HDAC9: variants seen among roughly 807,000 people sequenced by gnomAD.
The protein encoded by HDAC9 is MEF-2 interacting transcription repressor (MITR) protein.
Under a neutral mutation model 139.4 loss-of-function variants are expected in HDAC9, and 41 were observed. That is an observed-to-expected ratio of 0.29 (90% confidence interval 0.23 to 0.38). HDAC9 has a LOEUF of 0.38. HDAC9 is among the 10% of genes least tolerant of loss of function. The pLI, the probability that HDAC9 is intolerant of heterozygous loss-of-function variation, is 1.00. For missense variants in HDAC9, 1,147 were observed against 1,297.0 expected (o/e 0.88, Z 1.78); for synonymous variants, 517 against 476.2 (o/e 1.09, Z -1.12).
rs543495959 is a variant in HDAC9 at position 18,709,683 on chromosome 7, C to T, written c.1732-17897C>T. Reference sequence around the variant, plus strand: ...CTGTGAATAAACCAGACACATTCTTCTCCCTTACAGGTTTAGAATCAAATG... The same window carrying T: ...CTGTGAATAAACCAGACACATTCTTTTCCCTTACAGGTTTAGAATCAAATG... On this transcript the variant is annotated intron_variant, in intron 12 of 25. Transcript: ENST00000686413. Among the ~76,000 whole-genome samples, 3 of 152,308 alleles carry T rather than the reference C, an allele frequency of 2.0e-5. No individual in the cohort carries two copies. The South Asian group carries it at 6.2e-4, about 32-fold the overall frequency.
At chr7:18,979,506 A>G (rs1784759822) in intron 25 of HDAC9, among the ~76,000 whole-genome samples, 1 of 152,212 alleles carries the variant, frequency 6.6e-6, no homozygotes. Flanking sequence ...TGTTTAGGTA[A>G]CTAAGAACTT....
chr7:18,817,885 TAGATTAAATATCCTC>T (rs1232283422), intron 17 of HDAC9, among the ~76,000 whole-genome samples: 1 of 152,182 alleles, frequency 6.6e-6, no homozygotes, highest in African/African-American at 2.4e-5. Context: ...AGTAGCAAGG[TAGATTAAATATCCTC>T]AGTCATTCTT....
At chr7:18,673,430 T>G (rs1795777800) in intron 12 of HDAC9, among the ~76,000 whole-genome samples, 2 of 152,070 alleles carry the variant, frequency 1.3e-5, no homozygotes, top group Non-Finnish European at 2.9e-5. Flanking sequence ...TGGCAAGAAT[T>G]GAGGTACAGC....
chr7:18,092,438 A>G (rs1782229117), intron 1 of HDAC9, among the ~76,000 whole-genome samples: 1 of 150,712 alleles, frequency 6.6e-6, no homozygotes, highest in Admixed American at 6.6e-5. Flanking sequence ...TGGTAAAGTC[A>G]GCAGACCTGA....
chr7:18,902,680 C>T (rs1052039615), intron 22 of HDAC9, among the ~76,000 whole-genome samples: 1 of 152,124 alleles, frequency 6.6e-6, no homozygotes, highest in Non-Finnish European at 1.5e-5. Context: ...ATATGCTTAC[C>T]TCAGGATATC....
At chr7:18,797,546 G>A (rs1792907300) in intron 17 of HDAC9, among the ~76,000 whole-genome samples, 1 of 151,890 alleles carries the variant, frequency 6.6e-6, no homozygotes, top group Non-Finnish European at 1.5e-5. Context: ...TTTAAATTAT[G>A]GCCCTGCGCA....
intron 23 of HDAC9, among the ~76,000 whole-genome samples, chr7:18,943,203 G>A (rs1375529993): frequency 6.6e-6 from 1 of 151,994 alleles, no homozygotes; most frequent in African/African-American, 2.4e-5. Context: ...ATACAGCCCT[G>A]AACGAACTTC....
At chr7:18,259,838 G>T (rs942099984) in intron 2 of HDAC9, among the ~76,000 whole-genome samples, 3 of 152,242 alleles carry the variant, frequency 2.0e-5, no homozygotes, top group East Asian at 3.9e-4. Context: ...AATATATTTA[G>T]AATTTTAAAA....
chr7:18,497,382 A>G (rs1280384614), intron 2 of HDAC9, among the ~76,000 whole-genome samples: 1 of 152,134 alleles, frequency 6.6e-6, no homozygotes, highest in South Asian at 2.1e-4. Flanking sequence ...GGTTGGCATG[A>G]TGTCTGTTTT....
At chr7:18,644,054 A>G (rs571027196) in intron 8 of HDAC9, among the ~76,000 whole-genome samples, 5 of 152,228 alleles carry the variant, frequency 3.3e-5, no homozygotes, top group African/African-American at 4.8e-5. Context: ...GGGTATTTCA[A>G]TGTAAATGAA....
chr7:18,253,687 G>C (rs1206255284), intron 2 of HDAC9, among the ~76,000 whole-genome samples: 1 of 152,140 alleles, frequency 6.6e-6, no homozygotes, highest in Non-Finnish European at 1.5e-5. Context: ...TCGTGGTAAG[G>C]GGACAGGTGT....
intron 2 of HDAC9, among the ~76,000 whole-genome samples, chr7:18,529,153 T>C (rs1373062279): frequency 6.6e-6 from 1 of 151,696 alleles, no homozygotes; most frequent in East Asian, 1.9e-4. Flanking sequence ...AGAAGAAAAT[T>C]AAAAATAGGA....
rs544584356 is a variant in HDAC9 at position 18,740,705 on chromosome 7, T to A, written c.1910-8300T>A. 1.5e-3 allele frequency among the ~76,000 whole-genome samples: 235 copies of A among 152,256 alleles called. 2 individuals are homozygous for A. Among genetic ancestry groups the A allele is most frequent in the Middle Eastern group, 0.01 (3 of 294 alleles). ...CCCAATTTCAATCAAAAGCTAGAAA[T>A]GATTAAGCTTAGTGAGGAAGTCATG... On this transcript the variant is annotated intron_variant, in intron 13 of 25. Transcript: ENST00000686413.
intron 2 of HDAC9, among the ~76,000 whole-genome samples, chr7:18,497,448 A>G (rs1563054730): frequency 6.6e-6 from 1 of 152,050 alleles, no homozygotes; most frequent in Admixed American, 6.6e-5. Context: ...TTTTCTTTAA[A>G]CCTTGGTTAG....
chr7:18,841,619 G>A (rs1796590090), intron 21 of HDAC9, among the ~76,000 whole-genome samples: 1 of 152,088 alleles, frequency 6.6e-6, no homozygotes, highest in Non-Finnish European at 1.5e-5. Flanking sequence ...TACTTTGTTG[G>A]TCCCAAACCA....
chr7:18,392,430 TAGATAGATAGAC>T (rs909198928), intron 1 of HDAC9, among the ~76,000 whole-genome samples: 7 of 151,522 alleles, frequency 4.6e-5, no homozygotes, highest in Non-Finnish European at 1.0e-4. Context: ...GATAGATAGA[TAGATAGATAGAC>T]AGATATTCTT....
chr7:18,151,681 A>G (rs1265553218), intron 1 of HDAC9: 1 of 152,164 alleles, frequency 6.6e-6, no homozygotes, highest in Admixed American at 6.5e-5. Context: ...AACTGATGGC[A>G]TATTTGTGAA....
At chr7:18,248,677 T>C (rs1174326218) in intron 2 of HDAC9, among the ~76,000 whole-genome samples, 1 of 152,190 alleles carries the variant, frequency 6.6e-6, no homozygotes, top group Non-Finnish European at 1.5e-5. Context: ...TAAAATGCAA[T>C]AAATGATCTT....
At chr7:18,981,255 A>G (rs1784932103) in intron 25 of HDAC9, among the ~76,000 whole-genome samples, 1 of 152,186 alleles carries the variant, frequency 6.6e-6, no homozygotes, top group Admixed American at 6.5e-5. Flanking sequence ...AACCAGCAGA[A>G]TGAGGAAGAA....
Sources: gnomAD v4.1 joint callset for allele counts (sites outside exome capture counted in the v4.1 genomes callset) on GRCh38, gnomAD v4.1.1 for gene constraint, MANE v1.5 for transcripts, NCBI Gene and HGNC (gene_info 2026-07-23, HGNC 2026-07-21) for gene names.